LRRC28: variants seen among roughly 807,000 people sequenced by gnomAD.
LRRC28 encodes leucine-rich repeat-containing protein 28.
A neutral mutation model predicts 45.7 loss-of-function variants in LRRC28; 39 were observed. That is an observed-to-expected ratio of 0.85 (90% CI 0.66 to 1.12). The LOEUF is 1.12. Ranked by LOEUF, LRRC28 falls within the 50% of genes most tolerant of loss-of-function variation. The pLI, the probability that LRRC28 is intolerant of heterozygous loss-of-function variation, is 0.00. For missense variants in LRRC28, 435 were observed against 438.5 expected, an observed-to-expected ratio of 0.99 and a Z score of 0.07; for synonymous variants, 206 against 178.8, an observed-to-expected ratio of 1.15 and a Z score of -1.22.
At chr15:99,277,207 G>T (rs2081640848) in intron 3 of LRRC28, among the ~76,000 whole-genome samples, 1 of 151,850 alleles carries the variant, frequency 6.6e-6, no homozygotes, top group Admixed American at 6.6e-5. Context: ...GGTTTGCATT[G>T]CTATTTCTTG....
intron 5 of LRRC28, among the ~76,000 whole-genome samples, chr15:99,324,414 C>T (rs1036611705): frequency 7.9e-5 from 12 of 152,198 alleles, no homozygotes; most frequent in South Asian, 4.2e-4. Context: ...TGCTCTGGAG[C>T]TCAACTTAGA....
intron 5 of LRRC28, among the ~76,000 whole-genome samples, chr15:99,303,020 A>G (rs1955040140): frequency 6.6e-6 from 1 of 152,182 alleles, no homozygotes; most frequent in African/African-American, 2.4e-5. Context: ...TAAATACCTA[A>G]GAGTAGAATT....
intron 2 of LRRC28, among the ~76,000 whole-genome samples, chr15:99,257,014 T>A (rs2081042443): frequency 6.6e-6 from 1 of 152,216 alleles, no homozygotes; most frequent in Non-Finnish European, 1.5e-5. Context: ...TTCCCTATAC[T>A]GGACTTTGCT....
intron 5 of LRRC28, among the ~76,000 whole-genome samples, chr15:99,295,766 TTG>T (rs2082246657): frequency 6.6e-6 from 1 of 152,258 alleles, no homozygotes; most frequent in Non-Finnish European, 1.5e-5. Flanking sequence ...CATGAATCTG[TTG>T]TGTTTTAATG....
At chr15:99,266,161 A>T (rs1029332011) in intron 2 of LRRC28, among the ~76,000 whole-genome samples, 2 of 152,186 alleles carry the variant, frequency 1.3e-5, no homozygotes, top group African/African-American at 4.8e-5. Flanking sequence ...TCTGTCAATC[A>T]TGTTCCTGAA....
intron 9 of LRRC28, chr15:99,363,518 G>T: frequency 3.5e-6 from 1 of 285,270 alleles, no homozygotes. Flanking sequence ...TTCTTTGTGA[G>T]AATGTTTTCC....
intron 9 of LRRC28, chr15:99,384,226 A>T (rs1202939673): frequency 6.6e-6 from 1 of 152,130 alleles, no homozygotes; most frequent in Non-Finnish European, 1.5e-5. Context: ...CCATTGAAAC[A>T]TTTTTACCCA....
intron 3 of LRRC28, chr15:99,284,586 T>A: frequency 2.1e-6 from 1 of 475,268 alleles, no homozygotes; most frequent in Non-Finnish European, 4.2e-6. Flanking sequence ...TCTCTTGCTC[T>A]CCTTTCCTGC....
intron 5 of LRRC28, among the ~76,000 whole-genome samples, chr15:99,302,463 A>T (rs1422258304): frequency 6.6e-6 from 1 of 152,050 alleles, no homozygotes; most frequent in Non-Finnish European, 1.5e-5. Context: ...ATCTTGGCTC[A>T]CTGCAACCTC....
chr15:99,267,665 A>T (rs1353452163), intron 2 of LRRC28, among the ~76,000 whole-genome samples: 1 of 152,170 alleles, frequency 6.6e-6, no homozygotes, highest in Non-Finnish European at 1.5e-5. Flanking sequence ...TTGTAAGTAA[A>T]TGTGGTACAG....
At chr15:99,278,237 CTTCT>C (rs1461768337) in intron 3 of LRRC28, among the ~76,000 whole-genome samples, 2 of 152,060 alleles carry the variant, frequency 1.3e-5, no homozygotes, top group Non-Finnish European at 2.9e-5. Context: ...ACATCCTTGT[CTTCT>C]TTCTTTTTTA....
chr15:99,255,984 C>T lies in LRRC28; in HGVS notation c.27C>T (p.Ile9=). 1 of 1,612,628 alleles carries T rather than the reference C, an allele frequency of 6.2e-7. No homozygotes were observed. The highest frequency in any genetic ancestry group is 1.3e-5 in the African/African-American group (1 of 74,974). ...TGGCGTCCGAACTTTGTAAGACGAT[C>T]TCTGTGGCAAGGCTAGAAAAGCACA... MASELCKT[I]SVARLEKHKN... Residue 9 remains isoleucine (I), a synonymous_variant, in exon 2 of 10, where the codon ATC becomes ATT. Coordinates refer to ENST00000301981, the MANE Select transcript of LRRC28 (RefSeq NM_144598.5).
chr15:99,260,741 A>G (rs1012718719), intron 2 of LRRC28, among the ~76,000 whole-genome samples: 1 of 152,214 alleles, frequency 6.6e-6, no homozygotes, highest in African/African-American at 2.4e-5. Flanking sequence ...TTCCTAAAGG[A>G]GAGTAGTATG....
rs181901059 is a variant in LRRC28 at position 99,276,481 on chromosome 15, A to C, written c.169-95A>C. 9.0e-4 allele frequency: 793 copies of C among 882,858 alleles called. 8 individuals are homozygous for C. The African/African-American group carries it at 0.013, about 14-fold the overall frequency. The allele number at this position is 882,858 out of a possible 1,614,324, so 54.7% of individuals were successfully genotyped here. A position where few individuals can be genotyped will look rare whatever the true frequency, so the allele number is the denominator to read the frequency against. ...ATTTTCACATTTTCTCAAAATTTAC[A>C]CCCCTCAAAAAGGTAGTACTTTGTA... On this transcript the variant is annotated intron_variant, in intron 2 of 9. Transcript: ENST00000301981.
At chr15:99,263,802 C>T (rs2081263511) in intron 2 of LRRC28, among the ~76,000 whole-genome samples, 1 of 152,132 alleles carries the variant, frequency 6.6e-6, no homozygotes, top group Admixed American at 6.5e-5. Flanking sequence ...TTGTTGAGTA[C>T]TTAACTGTGT....
intron 5 of LRRC28, among the ~76,000 whole-genome samples, chr15:99,301,999 C>T (rs889258450): frequency 2.0e-4 from 30 of 150,912 alleles, no homozygotes; most frequent in Admixed American, 3.3e-4. Context: ...ATAACAATGT[C>T]AATAATTTTG....
Position 99,258,855 on chromosome 15 carries a change from G to A in LRRC28, c.168+2730G>A, listed in dbSNP as rs145982084. On this transcript the variant is annotated intron_variant, in intron 2 of 9. Coordinates refer to ENST00000301981, the MANE Select transcript of LRRC28 (RefSeq NM_144598.5). ...AGCGATTACATTAAGCTCTATGTGC[G>A]CTGTGTATTCATCACAGATGACTTC... The A allele has an allele frequency of 8.3e-4, 586 of 703,584 alleles. 4 individuals carry two copies. In the African/African-American group the frequency reaches 8.6e-3, roughly 10 times the overall value. 43.6% of individuals were successfully genotyped at this position (703,584 alleles called of 1,614,324 possible). A position where few individuals can be genotyped will look rare whatever the true frequency, so the allele number is the denominator to read the frequency against.
chr15:99,306,807 A>G (rs1955198532), intron 5 of LRRC28, among the ~76,000 whole-genome samples: 1 of 151,482 alleles, frequency 6.6e-6, no homozygotes, highest in Non-Finnish European at 1.5e-5. Flanking sequence ...TCACGCTAAC[A>G]CTTCAGGTTG....
chr15:99,387,247 A>C lies in LRRC28; in HGVS notation c.*1145A>C, dbSNP rs1460458436. ...GGCTAATTTTTTGTATTTTTAGTAG[A>C]GACGGGGTTTCACCGTGTTAGCCGG... On this transcript the variant is annotated 3_prime_UTR_variant, in exon 10 of 10. Transcript: ENST00000301981. 4 of 150,208 alleles carry C rather than the reference A, an allele frequency of 2.7e-5. No individual in the cohort carries two copies. The highest frequency in any genetic ancestry group is 5.9e-5 in the Non-Finnish European group (4 of 67,646). The allele number at this position is 150,208 out of a possible 1,614,324, so 9.3% of individuals were successfully genotyped here. A position where few individuals can be genotyped will look rare whatever the true frequency, so the allele number is the denominator to read the frequency against.
Sources: gnomAD v4.1 joint callset for allele counts (sites outside exome capture counted in the v4.1 genomes callset) on GRCh38, gnomAD v4.1.1 for gene constraint, MANE v1.5 for transcripts, NCBI Gene and HGNC (gene_info 2026-07-23, HGNC 2026-07-21) for gene names.